Variants in BICC1 observed in about 807,000 individuals in gnomAD.
BICC1 encodes protein bicaudal C homolog 1.
BICC1 carries 43 observed loss-of-function variants against 111.0 expected under a neutral mutation model. The observed-to-expected ratio is 0.39, with a 90% CI of 0.30 to 0.50. The LOEUF is 0.50. Ranked by LOEUF, BICC1 falls within the 20% of genes least tolerant of loss-of-function variation. The pLI is 0.88. For synonymous variants in BICC1, 467 were observed against 434.4 expected (o/e 1.07, Z -0.93); for missense variants, 1,091 against 1,203.2 (o/e 0.91, Z 1.38).
At chr10:58,513,445 G>A in intron 1 of BICC1, 112 bp downstream of exon 1, 1 of 1,057,038 alleles carries the variant, frequency 9.5e-7, no homozygotes, top group Non-Finnish European at 1.3e-6. Context: ...GGCCGGTTTA[G>A]CTCCAGGCCC....
At chr10:58,770,290 C>CT in intron 3 of BICC1, among the ~76,000 whole-genome samples, 1 of 151,806 alleles carries the variant, frequency 6.6e-6, no homozygotes, top group East Asian at 1.9e-4. Flanking sequence ...GACATTTTTT[C>CT]TTTTTTTGAG....
chr10:58,651,885 A>G lies in BICC1; in HGVS notation c.237+30984A>G, dbSNP rs1401279164. Among the ~76,000 whole-genome samples the G allele has an allele frequency of 2.0e-5, 3 of 152,306 alleles. No individual in the cohort carries two copies. In the East Asian group the frequency reaches 5.8e-4, roughly 29 times the overall value. ...TTGGCAAAGGTAGACATGATTAAGT[A>G]AAAGTGCATCCTTTTCTTGAGATAA... is the stretch of plus-strand genomic sequence containing the variant. On this transcript the variant is annotated intron_variant, in intron 2 of 20. Coordinates refer to ENST00000373886, the MANE Select transcript of BICC1 (RefSeq NM_001080512.3).
At chr10:58,715,698 G>T in intron 3 of BICC1, 3 of 1,587,760 alleles carry the variant, frequency 1.9e-6, no homozygotes, top group Non-Finnish European at 2.6e-6. Context: ...AGAGCAACTA[G>T]AAAAGAAAAA....
intron 20 of BICC1, chr10:58,823,175 T>G: frequency 1.0e-6 from 1 of 957,218 alleles, no homozygotes; most frequent in Non-Finnish European, 1.2e-6. Context: ...GTTGACAGGC[T>G]TCCCACCACG....
At chr10:58,603,776 T>G (rs1431030640) in intron 1 of BICC1, among the ~76,000 whole-genome samples, 2 of 152,102 alleles carry the variant, frequency 1.3e-5, no homozygotes, top group African/African-American at 4.8e-5. Context: ...TCCATAATAG[T>G]TATTATCAGG....
chr10:58,513,355 G>C (rs199873943), intron 1 of BICC1, 22 bp downstream of exon 1: 42 of 1,578,712 alleles, frequency 2.7e-5, no homozygotes, highest in Non-Finnish European at 3.6e-5. Context: ...TCGTGTTCTC[G>C]GACTCTCCGA....
chr10:58,515,150 G>A (rs944458145), intron 1 of BICC1, among the ~76,000 whole-genome samples: 14 of 152,168 alleles, frequency 9.2e-5, no homozygotes, highest in Non-Finnish European at 1.5e-4. Context: ...AGGCTCTTTT[G>A]TATTAATAGA....
At chr10:58,615,474 G>C (rs773594055) in intron 1 of BICC1, among the ~76,000 whole-genome samples, 1 of 152,144 alleles carries the variant, frequency 6.6e-6, no homozygotes, top group African/African-American at 2.4e-5. Flanking sequence ...ACATGAGCTC[G>C]TGCTTTGCTC....
At chr10:58,737,399 T>G (rs565061742) in intron 3 of BICC1, among the ~76,000 whole-genome samples, 1 of 152,320 alleles carries the variant, frequency 6.6e-6, no homozygotes, top group East Asian at 1.9e-4. Context: ...GTTTCCAGCT[T>G]CATCCATGTC....
At chr10:58,748,581 CT>C (rs11287673) in intron 3 of BICC1, among the ~76,000 whole-genome samples, 91,431 of 151,710 alleles carry the variant, frequency 0.6, 29,120 homozygotes, top group East Asian at 0.9. Context: ...TAAACCTGTT[CT>C]GGTATAGTAG....
intron 1 of BICC1, among the ~76,000 whole-genome samples, chr10:58,616,165 G>A (rs1226787188): frequency 1.3e-5 from 2 of 152,286 alleles, no homozygotes; most frequent in Admixed American, 6.5e-5. Context: ...TGGGGCTGTC[G>A]TCTCAGCTGG....
intron 2 of BICC1, chr10:58,648,641 C>G (rs1838344857): frequency 1.0e-6 from 1 of 985,012 alleles, no homozygotes. Context: ...CACAGAGGAT[C>G]TCATATCTTT....
At chr10:58,666,627 T>A (rs1295476955) in intron 2 of BICC1, among the ~76,000 whole-genome samples, 1 of 152,156 alleles carries the variant, frequency 6.6e-6, no homozygotes, top group Non-Finnish European at 1.5e-5. Flanking sequence ...ATGCTGGAAA[T>A]ACAAAATCAG....
chr10:58,741,026 C>T (rs754396265), intron 3 of BICC1, among the ~76,000 whole-genome samples: 2 of 152,132 alleles, frequency 1.3e-5, no homozygotes, highest in Non-Finnish European at 2.9e-5. Flanking sequence ...TGGTGAGGAG[C>T]ATGGTCAAGA....
chr10:58,607,317 A>AAAGTAAATAAATAAATAAATAAAT (rs1554811635), intron 1 of BICC1, among the ~76,000 whole-genome samples: 1 of 134,674 alleles, frequency 7.4e-6, no homozygotes, highest in African/African-American at 2.6e-5. Context: ...ACTCTGTCTC[A>AAAGTAAATAAATAAATAAATAAAT]AAATAAATAA....
intron 3 of BICC1, among the ~76,000 whole-genome samples, chr10:58,725,586 T>C (rs1466105653): frequency 6.6e-6 from 1 of 152,230 alleles, no homozygotes; most frequent in African/African-American, 2.4e-5. Flanking sequence ...ATGTGTATTT[T>C]TGTAATTACA....
chr10:58,658,613 A>G (rs1838738769), intron 2 of BICC1, among the ~76,000 whole-genome samples: 2 of 152,064 alleles, frequency 1.3e-5, no homozygotes, highest in Non-Finnish European at 1.5e-5. Context: ...CTGTTTATCA[A>G]ATTGTTTATT....
At chr10:58,720,567 G>A (rs1294610208) in intron 3 of BICC1, among the ~76,000 whole-genome samples, 3 of 139,936 alleles carry the variant, frequency 2.1e-5, no homozygotes, top group Non-Finnish European at 4.8e-5. Context: ...GGGGCATTCT[G>A]TGTGGGAAAG....
In BICC1 at chr10:58,754,668, C is replaced by A. The variant is rs377107958; in HGVS notation, c.308-30333C>A. Among the ~76,000 whole-genome samples the A allele has an allele frequency of 1.5e-4, 23 of 152,192 alleles. No individual in the cohort carries two copies. The East Asian group carries it at 2.1e-3, about 14-fold the overall frequency. On this transcript the variant is annotated intron_variant, in intron 3 of 20. Transcript: ENST00000373886. ...GGTGGGTGGTCTCCTTGGGGGAGCC[C>A]AGGGATGCCTTATGCATGGCTGAGA...
Sources: allele counts gnomAD v4.1 joint callset (sites outside exome capture counted in the v4.1 genomes callset), GRCh38; gene constraint gnomAD v4.1.1; transcripts MANE v1.5; gene names NCBI Gene and HGNC (gene_info 2026-07-23, HGNC 2026-07-21).